The following SGMS1 variants were observed in gnomAD, a reference collection of about 807,000 sequenced individuals.
The protein encoded by SGMS1 is phosphatidylcholine:ceramide cholinephosphotransferase 1.
Under a neutral mutation model 46.2 loss-of-function variants are expected in SGMS1, and 13 were observed. The ratio of observed to expected loss-of-function variants is 0.28; its 90% CI spans 0.18 to 0.45. SGMS1 has a LOEUF of 0.45. Ranked by LOEUF, SGMS1 falls within the 20% of genes least tolerant of loss-of-function variation. The probability of loss-of-function intolerance (pLI) is 1.00; values close to 1 mark genes in which losing one functional copy is unlikely to be tolerated. For missense variants in SGMS1, 324 were observed against 519.9 expected (o/e 0.62, Z 3.66); for synonymous variants, 203 against 187.8 (o/e 1.08, Z -0.66).
chr10:50,314,408 C>G (rs1847306192), intron 8 of SGMS1, among the ~76,000 whole-genome samples: 1 of 152,098 alleles, frequency 6.6e-6, no homozygotes, highest in Admixed American at 6.5e-5. Context: ...GCTGTGTGAC[C>G]TTATACAGCT....
At chr10:50,582,242 A>G (rs1838441586) in intron 2 of SGMS1, among the ~76,000 whole-genome samples, 1 of 152,202 alleles carries the variant, frequency 6.6e-6, no homozygotes, top group Non-Finnish European at 1.5e-5. Context: ...CAAAGAAATC[A>G]CTATTGTCCT....
At chr10:50,333,390 C>T (rs927983964) in intron 7 of SGMS1, among the ~76,000 whole-genome samples, 3 of 152,202 alleles carry the variant, frequency 2.0e-5, no homozygotes, top group African/African-American at 7.2e-5. Context: ...GCCAGAGTTA[C>T]TCTGCCCTGA....
intron 6 of SGMS1, among the ~76,000 whole-genome samples, chr10:50,347,900 T>C (rs1407603551): frequency 1.3e-5 from 2 of 152,242 alleles, no homozygotes; most frequent in African/African-American, 2.4e-5. Context: ...CTGGGATACA[T>C]GTGCTGACAC....
intron 6 of SGMS1, among the ~76,000 whole-genome samples, chr10:50,424,965 C>CA (rs1033519223): frequency 1.0e-4 from 15 of 144,388 alleles, no homozygotes; most frequent in Non-Finnish European, 2.0e-4. Context: ...AACATACATA[C>CA]AAAAAAAATG....
intron 3 of SGMS1, among the ~76,000 whole-genome samples, chr10:50,471,271 T>A (rs1418779075): frequency 6.6e-6 from 1 of 152,198 alleles, no homozygotes; most frequent in African/African-American, 2.4e-5. Flanking sequence ...TATCCCTTCA[T>A]TCGGCAAACA....
At chr10:50,390,547 AG>A (rs1848752334) in intron 6 of SGMS1, among the ~76,000 whole-genome samples, 1 of 152,218 alleles carries the variant, frequency 6.6e-6, no homozygotes, top group Non-Finnish European at 1.5e-5. Flanking sequence ...CTGGAACAGG[AG>A]GATGGCTTGA....
chr10:50,475,569 C>G (rs1837413221), intron 3 of SGMS1, among the ~76,000 whole-genome samples: 1 of 152,036 alleles, frequency 6.6e-6, no homozygotes. Context: ...ATTTGGAAGC[C>G]AGGTTGATAT....
chr10:50,511,984 G>C (rs997014124), intron 3 of SGMS1, among the ~76,000 whole-genome samples: 24 of 152,088 alleles, frequency 1.6e-4, no homozygotes, highest in African/African-American at 5.8e-4. Flanking sequence ...CAGCTCCCAC[G>C]CACACAGTAG....
At position 50,500,537 on chromosome 10, in the gene SGMS1, C is replaced by T. The variant is rs114092401; in HGVS notation, c.-498+19294G>A. On this transcript the variant is annotated intron_variant, in intron 3 of 10. Coordinates refer to ENST00000361781, the MANE Select transcript of SGMS1 (RefSeq NM_147156.4). ...AGACCCTCTATGAGTGTGTGTGCCA[C>T]GCATTTTTCTAAGCACTTACATTGA... Among the ~76,000 whole-genome samples, 278 of 152,050 alleles carry T rather than the reference C, an allele frequency of 1.8e-3. 1 individual carries two copies. The highest frequency in any genetic ancestry group is 5.5e-3 in the African/African-American group (230 of 41,526).
chr10:50,560,286 GTAT>G (rs1838223411), intron 2 of SGMS1, among the ~76,000 whole-genome samples: 1 of 137,030 alleles, frequency 7.3e-6, no homozygotes, highest in Non-Finnish European at 1.5e-5. Flanking sequence ...TACAGTATAT[GTAT>G]TATAATATAT....
At chr10:50,593,817 G>T (rs1175794585) in intron 1 of SGMS1, among the ~76,000 whole-genome samples, 3 of 152,146 alleles carry the variant, frequency 2.0e-5, no homozygotes, top group East Asian at 1.9e-4. Flanking sequence ...AGTTCTCATT[G>T]TGTGAACATA....
chr10:50,518,883 T>C (rs1336960165), intron 3 of SGMS1, among the ~76,000 whole-genome samples: 1 of 152,214 alleles, frequency 6.6e-6, no homozygotes, highest in African/African-American at 2.4e-5. Flanking sequence ...AGATGTTCAA[T>C]TGCACTATTA....
At chr10:50,350,979 C>T (rs1007153986) in intron 6 of SGMS1, among the ~76,000 whole-genome samples, 2 of 152,070 alleles carry the variant, frequency 1.3e-5, no homozygotes, top group African/African-American at 4.8e-5. Context: ...TGGCAGTGTG[C>T]ACCATGCACC....
chr10:50,355,685 C>T (rs1278967496), intron 6 of SGMS1, among the ~76,000 whole-genome samples: 2 of 152,258 alleles, frequency 1.3e-5, no homozygotes, highest in Non-Finnish European at 2.9e-5. Flanking sequence ...AGCCTCTGCA[C>T]GGCTGCCACC....
intron 2 of SGMS1, among the ~76,000 whole-genome samples, chr10:50,563,203 G>A (rs894994481): frequency 6.6e-6 from 1 of 152,080 alleles, no homozygotes; most frequent in Non-Finnish European, 1.5e-5. Flanking sequence ...CCTCGTGGTC[G>A]GCCCCGGGCA....
At chr10:50,509,254 A>G (rs1837733523) in intron 3 of SGMS1, among the ~76,000 whole-genome samples, 1 of 152,194 alleles carries the variant, frequency 6.6e-6, no homozygotes, top group Non-Finnish European at 1.5e-5. Flanking sequence ...ACTTTGATTT[A>G]TAAAGGATGT....
intron 1 of SGMS1, among the ~76,000 whole-genome samples, chr10:50,597,797 G>C (rs1005374823): frequency 5.9e-5 from 9 of 152,108 alleles, no homozygotes; most frequent in African/African-American, 2.2e-4. Context: ...TGGATCACCT[G>C]AGGTTGGGAG....
chr10:50,408,446 A>AT (rs1298131093), intron 6 of SGMS1, among the ~76,000 whole-genome samples: 4 of 148,648 alleles, frequency 2.7e-5, no homozygotes, highest in South Asian at 4.2e-4. Context: ...AAAAAAAAAA[A>AT]AAAAAAAAAC....
chr10:50,405,442 C>T (rs766159860), intron 6 of SGMS1, among the ~76,000 whole-genome samples: 48 of 152,270 alleles, frequency 3.2e-4, no homozygotes, highest in Non-Finnish European at 6.2e-4. Flanking sequence ...GAGTATTTCT[C>T]CCTTTCTAAT....
Sources: gnomAD v4.1 joint callset for allele counts (sites outside exome capture counted in the v4.1 genomes callset) on GRCh38, gnomAD v4.1.1 for gene constraint, MANE v1.5 for transcripts, NCBI Gene and HGNC (gene_info 2026-07-23, HGNC 2026-07-21) for gene names.